ZC2HC1B: variants seen among roughly 807,000 people sequenced by gnomAD.
ZC2HC1B encodes zinc finger C2HC-type containing 1B, also known as zinc finger C2HC domain-containing protein 1B.
A neutral mutation model predicts 31.0 loss-of-function variants in ZC2HC1B; 36 were observed. The ratio of observed to expected loss-of-function variants is 1.16; its 90% CI spans 0.89 to 1.54. The LOEUF is 1.54. Ranked by LOEUF, ZC2HC1B falls within the 40% of genes most tolerant of loss-of-function variation. ZC2HC1B has a pLI of 0.00. For synonymous variants in ZC2HC1B, 73 were observed against 88.0 expected (o/e 0.83, Z 0.95); for missense variants, 260 against 268.6 (o/e 0.97, Z 0.22).
intron 5 of ZC2HC1B, among the ~76,000 whole-genome samples, chr6:143,900,556 G>GACAGGTCCTTGATTA (rs112017862): frequency 3.3e-5 from 5 of 152,030 alleles, no homozygotes; most frequent in Admixed American, 2.0e-4. Flanking sequence ...GTCCTTGATT[G>GACAGGTCCTTGATTA]ACAGGTCCTT....
Position 143,883,621 on chromosome 6 carries a change from G to A in ZC2HC1B, c.29-683G>A, listed in dbSNP as rs1324999883. 2.0e-5 allele frequency among the ~76,000 whole-genome samples: 3 copies of A among 152,106 alleles called. No individual in the cohort carries two copies. Among genetic ancestry groups the A allele is most frequent in the African/African-American group, 7.2e-5 (3 of 41,404 alleles). On this transcript the variant is annotated intron_variant, in intron 1 of 7. Transcript: ENST00000237275. The surrounding 1 kb of genome is among the most constrained non-coding windows in gnomAD (Gnocchi z 4.1). ...ATATTTGACTCCTGATGAACCAAAA[G>A]GAAGTAATACAAAAAACCTTTTTTC... is the stretch of plus-strand genomic sequence containing the variant.
intron 6 of ZC2HC1B, among the ~76,000 whole-genome samples, chr6:143,927,919 G>T (rs1378493045): frequency 6.6e-6 from 1 of 151,862 alleles, no homozygotes; most frequent in African/African-American, 2.4e-5. Context: ...ATGCTTTTTG[G>T]GCATTTTTAT....
Position 143,903,094 on chromosome 6 carries a change from G to A in ZC2HC1B, c.540G>A (p.Val180=). The change falls in exon 6 of 8, where the codon GTG becomes GTA. Residue 180 remains valine (V), a synonymous_variant. Transcript: ENST00000237275. This position sits in a 1 kb window ranked among gnomAD's most constrained non-coding sequence, Gnocchi z 4.3. ...AAGAACCAACTGTTACCAGTGCTGT[G>A]GGAGCTTTGCTGCAGAACAGGGTCC... ...PKKEPTVTSA[V]GALLQNRVLV... The A allele has an allele frequency of 6.4e-7, 1 of 1,551,976 alleles. No individual in the cohort carries two copies. The highest frequency in any genetic ancestry group is 8.7e-7 in the Non-Finnish European group (1 of 1,147,042).
rs1303487150 is a variant in ZC2HC1B at position 143,870,304 on chromosome 6, T to C, written c.28+5737T>C. On this transcript the variant is annotated intron_variant, in intron 1 of 7. Coordinates refer to ENST00000237275, the MANE Select transcript of ZC2HC1B (RefSeq NM_001013623.3). This position sits in a 1 kb window ranked among gnomAD's most constrained non-coding sequence, Gnocchi z 4.7. Reference sequence around the variant, plus strand: ...CAGGGATGTCCTAGAAAGGCAGCTGTCCACTTTTGGGTGGTGCCTCCATAT... The same window carrying C: ...CAGGGATGTCCTAGAAAGGCAGCTGCCCACTTTTGGGTGGTGCCTCCATAT... 6.6e-6 allele frequency among the ~76,000 whole-genome samples: 1 copy of C among 152,220 alleles called. No homozygotes were observed. Among genetic ancestry groups the C allele is most frequent in the Non-Finnish European group, 1.5e-5 (1 of 68,034 alleles).
chr6:143,933,217 T>A lies in ZC2HC1B; in HGVS notation c.599-4432T>A, dbSNP rs1194658068. Among the ~76,000 whole-genome samples, 1 of 152,212 alleles carries A rather than the reference T, an allele frequency of 6.6e-6. No individual in the cohort carries two copies. Among genetic ancestry groups the A allele is most frequent in the Non-Finnish European group, 1.5e-5 (1 of 68,030 alleles). On this transcript the variant is annotated intron_variant, in intron 6 of 7. Transcript: ENST00000237275. The surrounding 1 kb of genome is among the most constrained non-coding windows in gnomAD (Gnocchi z 6.4). Reference sequence around the variant, plus strand: ...GAATTAGCTGCTGTTTTTTCCTTCATTAGAGCAGGGTTGTTCTGTTATGAG... The same window carrying A: ...GAATTAGCTGCTGTTTTTTCCTTCAATAGAGCAGGGTTGTTCTGTTATGAG...
intron 6 of ZC2HC1B, among the ~76,000 whole-genome samples, chr6:143,906,632 T>C (rs1008926064): frequency 6.6e-6 from 1 of 151,998 alleles, no homozygotes; most frequent in Non-Finnish European, 1.5e-5. Flanking sequence ...TTAATAGAGA[T>C]AGAGTTTTGC....
At chr6:143,898,220 T>C (rs910804697) in intron 4 of ZC2HC1B, among the ~76,000 whole-genome samples, 2 of 152,210 alleles carry the variant, frequency 1.3e-5, no homozygotes, top group Admixed American at 1.3e-4. Context: ...CTTGTTCTGT[T>C]GCCCAGGCTG....
At chr6:143,936,919 G>T (rs899019502) in intron 6 of ZC2HC1B, among the ~76,000 whole-genome samples, 4 of 152,334 alleles carry the variant, frequency 2.6e-5, no homozygotes, top group Admixed American at 2.6e-4. Flanking sequence ...AACTAACACT[G>T]AAAGCTCTTT....
intron 6 of ZC2HC1B, among the ~76,000 whole-genome samples, chr6:143,936,686 T>C (rs1294251157): frequency 6.6e-6 from 1 of 152,246 alleles, no homozygotes; most frequent in East Asian, 1.9e-4. Flanking sequence ...AGTTCTGGGA[T>C]CTAGACCTGC....
chr6:143,906,655 G>A (rs1186050415), intron 6 of ZC2HC1B, among the ~76,000 whole-genome samples: 2 of 151,744 alleles, frequency 1.3e-5, no homozygotes, highest in East Asian at 3.9e-4. Flanking sequence ...TGTTAGCTAG[G>A]CTGGTCTCTA....
chr6:143,874,056 ACCC>A (rs1777377956), intron 1 of ZC2HC1B, among the ~76,000 whole-genome samples: 2 of 152,114 alleles, frequency 1.3e-5, no homozygotes, highest in Non-Finnish European at 2.9e-5. Flanking sequence ...TTTTAACAGC[ACCC>A]AAGTCACCTT....
intron 6 of ZC2HC1B, among the ~76,000 whole-genome samples, chr6:143,914,851 C>T (rs527659090): frequency 6.6e-6 from 1 of 152,138 alleles, no homozygotes; most frequent in South Asian, 2.1e-4. Flanking sequence ...TATTTGCATG[C>T]TATATCTTTT....
In ZC2HC1B at chr6:143,869,049, T is replaced by A. The variant is rs1184156690; in HGVS notation, c.28+4482T>A. On this transcript the variant is annotated intron_variant, in intron 1 of 7. Coordinates refer to ENST00000237275, the MANE Select transcript of ZC2HC1B (RefSeq NM_001013623.3). The surrounding 1 kb of genome is among the most constrained non-coding windows in gnomAD (Gnocchi z 5.2). ...GGTATTGATGACTACATTCTTCTAC[T>A]ACCCATTCTGTATTCCCTTTTTCTT... Among the ~76,000 whole-genome samples the A allele has an allele frequency of 6.6e-6, 1 of 152,230 alleles. No individual in the cohort carries two copies. Among genetic ancestry groups the A allele is most frequent in the Non-Finnish European group, 1.5e-5 (1 of 68,036 alleles).
At chr6:143,935,467 G>T (rs1163166088) in intron 6 of ZC2HC1B, among the ~76,000 whole-genome samples, 1 of 152,090 alleles carries the variant, frequency 6.6e-6, no homozygotes, top group Non-Finnish European at 1.5e-5. Context: ...CCCAGTGAGG[G>T]TTTGCATGGG....
At chr6:143,937,518 TC>T in intron 6 of ZC2HC1B, 130 bp from the exon 7 acceptor site, 1 of 391,554 alleles carries the variant, frequency 2.6e-6, no homozygotes, top group Non-Finnish European at 4.2e-6. Flanking sequence ...CCCACCACAC[TC>T]CCCCACCTCC....
rs1256989919 is a variant in ZC2HC1B, at chr6:143,865,117, A to T, written c.28+550A>T. Among the ~76,000 whole-genome samples, 2 of 152,206 alleles carry T rather than the reference A, an allele frequency of 1.3e-5. No homozygotes were observed. Among genetic ancestry groups the T allele is most frequent in the Non-Finnish European group, 2.9e-5 (2 of 68,032 alleles). ...TTTAGGCAGGTTATACTCCAAACTT[A>T]AATATTTTAATTTTATTCTGAAGAA... On this transcript the variant is annotated intron_variant, in intron 1 of 7. Coordinates refer to ENST00000237275, the MANE Select transcript of ZC2HC1B (RefSeq NM_001013623.3). The surrounding 1 kb of genome is among the most constrained non-coding windows in gnomAD (Gnocchi z 4.4).
chr6:143,886,716 C>A lies in ZC2HC1B; in HGVS notation c.244C>A (p.Gln82Lys). ...TGTGAGGAAGTCTAACTGGAGACAA[C>A]AACATGAAGACTTTATTAATGCAAT... The part of the protein sequence containing the change: ...PPVRKSNWRQ[Q>K]HEDFINAIRS... Residue 82 changes from glutamine (Q) to lysine (K), a missense_variant, in exon 4 of 8, where the codon CAA becomes AAA. Gln to Lys is a moderately conservative substitution (Grantham distance 53). Coordinates refer to ENST00000237275, the MANE Select transcript of ZC2HC1B (RefSeq NM_001013623.3). The surrounding 1 kb of genome is among the most constrained non-coding windows in gnomAD (Gnocchi z 4.2). 23 of 1,545,568 alleles carry A rather than the reference C, an allele frequency of 1.5e-5. No individual in the cohort carries two copies. The highest frequency in any genetic ancestry group is 1.9e-5 in the Non-Finnish European group (22 of 1,144,278).
intron 6 of ZC2HC1B, among the ~76,000 whole-genome samples, chr6:143,925,420 C>G (rs1778024410): frequency 6.6e-6 from 1 of 151,840 alleles, no homozygotes; most frequent in South Asian, 2.1e-4. Flanking sequence ...CGTGATCCGC[C>G]TGCCTACGGC....
In ZC2HC1B at chr6:143,922,423, TTCTA is replaced by T. The variant is rs1254800262; in HGVS notation, c.599-15221_599-15218del. The stretch of plus-strand genomic sequence containing the variant: ...GCTATCAAACACTAGAACTTATTCT[TTCTA>T]TCTAACTGTATTTCGTACCTACTAA... On this transcript the variant is annotated intron_variant, in intron 6 of 7. Coordinates refer to ENST00000237275, the MANE Select transcript of ZC2HC1B (RefSeq NM_001013623.3). The surrounding 1 kb of genome is among the most constrained non-coding windows in gnomAD (Gnocchi z 5.0). Among the ~76,000 whole-genome samples, 2 of 152,294 alleles carry T rather than the reference TTCTA, an allele frequency of 1.3e-5. No individual in the cohort carries two copies. Among genetic ancestry groups the T allele is most frequent in the Admixed American group, 6.5e-5 (1 of 15,298 alleles).
Sources: gnomAD v4.1 joint callset for allele counts (sites outside exome capture counted in the v4.1 genomes callset) on GRCh38, gnomAD v4.1.1 for gene constraint, Gnocchi (gnomAD v3.1) non-coding constraint, MANE v1.5 for transcripts, NCBI Gene and HGNC (gene_info 2026-07-23, HGNC 2026-07-21) for gene names.